MYCBPAP: variants seen among roughly 807,000 people sequenced by gnomAD.
The protein encoded by MYCBPAP is MYCBP associated protein, also known as MYCBP-associated protein.
MYCBPAP carries 60 observed loss-of-function variants against 106.1 expected under a neutral mutation model. That is an observed-to-expected ratio of 0.57 (90% CI 0.46 to 0.70). The LOEUF is 0.70. Among genes scored for constraint, MYCBPAP ranks in the 30% least tolerant of loss-of-function variants. The pLI is 0.00. For missense variants in MYCBPAP, 1,064 were observed against 1,169.3 expected (o/e 0.91, Z 1.31); for synonymous variants, 407 against 440.6 (o/e 0.92, Z 0.95).
intron 4 of MYCBPAP, 143 bp downstream of exon 4, chr17:50,517,841 C>T (rs2034110338): frequency 1.5e-6 from 1 of 674,464 alleles, no homozygotes; most frequent in Admixed American, 2.5e-5. Flanking sequence ...GACCCTCTCC[C>T]AGAATAGTTG....
At position 50,523,778 on chromosome 17, in the gene MYCBPAP, A is replaced by T. The variant is rs753250475; in HGVS notation, c.1629A>T (p.Val543=). ...TQDVFEDERK[V]LESKLTAHEA... is the part of the protein sequence containing the mutation. ...ACGTTTTTGAGGATGAGAGGAAAGTACTGGAGGTAAGGGACCCAGGACCAT... is the reference window on the plus strand; with the variant it reads ...ACGTTTTTGAGGATGAGAGGAAAGTTCTGGAGGTAAGGGACCCAGGACCAT... Residue 543 remains valine, a synonymous_variant, in exon 12 of 19, where the codon GTA becomes GTT. Coordinates refer to ENST00000323776, the MANE Select transcript of MYCBPAP (RefSeq NM_032133.6). 1 of 1,613,872 alleles carries T rather than the reference A, an allele frequency of 6.2e-7. No homozygotes were observed. The highest frequency in any genetic ancestry group is 2.2e-5 in the East Asian group (1 of 44,878).
chr17:50,511,385 C>A (rs1306557021), intron 1 of MYCBPAP, among the ~76,000 whole-genome samples: 1 of 152,088 alleles, frequency 6.6e-6, no homozygotes, highest in Non-Finnish European at 1.5e-5. Context: ...AGATTCCCCT[C>A]CCCAACCAAT....
intron 1 of MYCBPAP, among the ~76,000 whole-genome samples, chr17:50,511,060 G>GAA (rs5820815): frequency 0.036 from 5,381 of 151,490 alleles, 294 homozygotes; most frequent in African/African-American, 0.12. Context: ...AGTGAGGAGG[G>GAA]AAAAAAAATG....
At chr17:50,526,690 C>G (rs909559896) in intron 14 of MYCBPAP, among the ~76,000 whole-genome samples, 4 of 152,180 alleles carry the variant, frequency 2.6e-5, no homozygotes, top group Admixed American at 2.6e-4. Context: ...TCAAGTGATT[C>G]TCCTGCCTCA....
Position 50,521,386 on chromosome 17 carries a change from T to G in MYCBPAP, c.1103T>G (p.Val368Gly), listed in dbSNP as rs1256049905. The change falls in exon 9 of 19, where the codon GTG becomes GGG. Residue 368 changes from valine to glycine, a missense_variant. By Grantham distance (109) the Val-to-Gly change is moderately radical (BLOSUM62 -3). Coordinates refer to ENST00000323776, the MANE Select transcript of MYCBPAP (RefSeq NM_032133.6). ...FSAVTVEDYT[V>G]FERSQGSSSE... ...GCTGTTACTGTGGAAGACTACACAG[T>G]GTTTGAAAGAAGTCAGGGAAGCTCC... 19 of 1,604,338 alleles carry G rather than the reference T, an allele frequency of 1.2e-5. No individual in the cohort carries two copies. The highest frequency in any genetic ancestry group is 1.4e-5 in the Non-Finnish European group (17 of 1,174,962).
intron 7 of MYCBPAP, among the ~76,000 whole-genome samples, chr17:50,520,797 G>A (rs545641880): frequency 6.6e-6 from 1 of 152,178 alleles, no homozygotes; most frequent in African/African-American, 2.4e-5. Flanking sequence ...TTGTGATAGG[G>A]CTAAATGAGA....
Position 50,516,691 on chromosome 17 carries a change from G to C in MYCBPAP, c.198G>C (p.Leu66Phe). 6.2e-7 allele frequency: 1 copy of C among 1,613,854 alleles called. No individual in the cohort carries two copies. Among genetic ancestry groups the C allele is most frequent in the Non-Finnish European group, 8.5e-7 (1 of 1,179,894 alleles). Residue 66 changes from leucine to phenylalanine, a missense_variant, in exon 2 of 19, where the codon TTG becomes TTC. By Grantham distance (22) the Leu-to-Phe change is conservative (BLOSUM62 0). Coordinates refer to ENST00000323776, the MANE Select transcript of MYCBPAP (RefSeq NM_032133.6). ...CCTTGGCCATTAAGAAGGAAGACTTGAAGGAGGTGAGGATGAAGCCCAAGC... is the reference window on the plus strand; with the variant it reads ...CCTTGGCCATTAAGAAGGAAGACTTCAAGGAGGTGAGGATGAAGCCCAAGC... Reference protein sequence around the residue: ...ILALAIKKEDLKEQHIPRLTE... With the variant: ...ILALAIKKEDFKEQHIPRLTE...
intron 1 of MYCBPAP, among the ~76,000 whole-genome samples, chr17:50,511,060 GA>G (rs5820815): frequency 6.6e-6 from 1 of 151,406 alleles, no homozygotes; most frequent in Non-Finnish European, 1.5e-5. Flanking sequence ...AGTGAGGAGG[GA>G]AAAAAAATGA....
intron 14 of MYCBPAP, 127 bp downstream of exon 14, chr17:50,526,394 C>T: frequency 1.3e-6 from 1 of 754,204 alleles, no homozygotes; most frequent in South Asian, 2.6e-5. Context: ...AGAAAGTGAT[C>T]TCTTGGGTTA....
At chr17:50,530,102 A>G (rs2034585694) in intron 18 of MYCBPAP, 1 of 359,610 alleles carries the variant, frequency 2.8e-6, no homozygotes, top group Non-Finnish European at 5.6e-6. Context: ...TGACATCACT[A>G]AGATATCAGA....
intron 4 of MYCBPAP, among the ~76,000 whole-genome samples, chr17:50,518,337 G>GT (rs2034128261): frequency 6.6e-6 from 1 of 152,230 alleles, no homozygotes; most frequent in South Asian, 2.1e-4. Flanking sequence ...AGTTCCCTTT[G>GT]TGGGGGAGAG....
At chr17:50,507,939 C>A (rs1026789527), upstream of MYCBPAP, among the ~76,000 whole-genome samples, 5 of 152,336 alleles carry the variant, frequency 3.3e-5, no homozygotes, top group East Asian at 7.7e-4. Flanking sequence ...TCAGAGGCAG[C>A]ATCTCCAAGG....
At chr17:50,512,511 C>T (rs1235004315) in intron 1 of MYCBPAP, among the ~76,000 whole-genome samples, 2 of 152,188 alleles carry the variant, frequency 1.3e-5, no homozygotes, top group African/African-American at 4.8e-5. Context: ...GCCTGTGGAG[C>T]CACCTCTGCA....
chr17:50,508,459 C>A lies in MYCBPAP; in HGVS notation c.-216C>A. The A allele has an allele frequency of 7.5e-7, 1 of 1,337,494 alleles. No homozygotes were observed. The highest frequency in any genetic ancestry group is 1.0e-6 in the Non-Finnish European group (1 of 987,500). 82.9% of individuals were successfully genotyped at this position (1,337,494 alleles called of 1,614,324 possible). A position where few individuals can be genotyped will look rare whatever the true frequency, so the allele number is the denominator to read the frequency against. On this transcript the variant is annotated 5_prime_UTR_variant, in exon 1 of 19. Transcript: ENST00000323776. The stretch of plus-strand genomic sequence containing the variant: ...CCCGCAGGGCTTTCTAGGGGTCCGT[C>A]GCTCTTGAAGCCGCCGGCGGCGGGC...
chr17:50,519,236 A>T lies in MYCBPAP; in HGVS notation c.768+147A>T, dbSNP rs1438729828. ...CATTGCAAAACATCATTAGGCCCTC[A>T]AGGCCTTTACTAAATTATATGATTA... On this transcript the variant is annotated intron_variant, in intron 6 of 18. Coordinates refer to ENST00000323776, the MANE Select transcript of MYCBPAP (RefSeq NM_032133.6). 3 of 624,350 alleles carry T rather than the reference A, an allele frequency of 4.8e-6. No homozygotes were observed. The East Asian group carries it at 8.3e-5, about 17-fold the overall frequency. The allele number at this position is 624,350 out of a possible 1,614,324, so 38.7% of individuals were successfully genotyped here. A position where few individuals can be genotyped will look rare whatever the true frequency, so the allele number is the denominator to read the frequency against.
intron 6 of MYCBPAP, chr17:50,519,335 T>C (rs1307725739): frequency 3.4e-6 from 2 of 585,106 alleles, no homozygotes; most frequent in Admixed American, 6.1e-5. Context: ...GTTTGTCTCC[T>C]AGGAGCTTAG....
intron 18 of MYCBPAP, among the ~76,000 whole-genome samples, chr17:50,530,727 G>A (rs78510994): frequency 0.013 from 1,979 of 152,218 alleles, 26 homozygotes; most frequent in Non-Finnish European, 0.021. Flanking sequence ...GATACAGGAA[G>A]GAAAATTGGC....
Position 50,521,370 on chromosome 17 carries a change from G to A in MYCBPAP, c.1087G>A (p.Val363Met), listed in dbSNP as rs1047820638. 1 of 1,606,334 alleles carries A rather than the reference G, an allele frequency of 6.2e-7. No homozygotes were observed. The highest frequency in any genetic ancestry group is 8.5e-7 in the Non-Finnish European group (1 of 1,176,046). ...GKGWPFSAVTVEDYTVFERSQ... is the reference protein window; with the variant it reads ...GKGWPFSAVTMEDYTVFERSQ... ...AGGGTGGCCCTTCTCGGCTGTTACT[G>A]TGGAAGACTACACAGTGTTTGAAAG... The change falls in exon 9 of 19, where the codon GTG becomes ATG. Residue 363 changes from valine to methionine, a missense_variant. Coordinates refer to ENST00000323776, the MANE Select transcript of MYCBPAP (RefSeq NM_032133.6).
intron 7 of MYCBPAP, 94 bp from the exon 8 acceptor site, chr17:50,521,016 G>A: frequency 1.1e-6 from 1 of 934,360 alleles, no homozygotes; most frequent in South Asian, 1.4e-5. Flanking sequence ...CCTAGAAATG[G>A]TGTTGGGATA....
Sources: gnomAD v4.1 joint callset for allele counts (sites outside exome capture counted in the v4.1 genomes callset) on GRCh38, gnomAD v4.1.1 for gene constraint, MANE v1.5 for transcripts, NCBI Gene and HGNC (gene_info 2026-07-23, HGNC 2026-07-21) for gene names.